MGAT4D: variants seen among roughly 807,000 people sequenced by gnomAD.
MGAT4D encodes the protein alpha-1,3-mannosyl-glycoprotein 4-beta-N-acetylglucosaminyltransferase-like protein MGAT4D.
MGAT4D carries 34 observed loss-of-function variants against 15.9 expected under a neutral mutation model. The ratio of observed to expected loss-of-function variants is 2.14; its 90% confidence interval spans 1.62 to 2.84. The LOEUF is 2.84. Among genes scored for constraint, MGAT4D ranks in the 30% most tolerant of loss-of-function variants. MGAT4D has a pLI of 0.00. For missense variants in MGAT4D, 327 were observed against 140.2 expected, an observed-to-expected ratio of 2.33 and a Z score of -6.73; for synonymous variants, 112 against 48.2, an observed-to-expected ratio of 2.33 and a Z score of -5.49.
intron 7 of MGAT4D, among the ~76,000 whole-genome samples, chr4:140,460,918 G>C (rs1227275101): frequency 6.6e-6 from 1 of 152,180 alleles, no homozygotes; most frequent in Admixed American, 6.5e-5. Flanking sequence ...AAGGTGCCAC[G>C]TTCTATCTCC....
rs138054884 is a variant in MGAT4D at position 140,476,805 on chromosome 4, A to T, written c.392-1859T>A. Among the ~76,000 whole-genome samples the T allele has an allele frequency of 3.9e-5, 6 of 152,262 alleles. No individual in the cohort carries two copies. In the East Asian group the frequency reaches 1.2e-3, roughly 29 times the overall value. Reference sequence around the variant, plus strand: ...ACTAAATATTAGTCATTTTGATCACAAATTGATGCTTAATCCTTTCACCAG... The same window carrying T: ...ACTAAATATTAGTCATTTTGATCACTAATTGATGCTTAATCCTTTCACCAG... On this transcript the variant is annotated intron_variant, in intron 3 of 10. Transcript: ENST00000511113.
At chr4:140,446,547 A>C (rs1270065539) in intron 10 of MGAT4D, among the ~76,000 whole-genome samples, 1 of 151,692 alleles carries the variant, frequency 6.6e-6, no homozygotes, top group Non-Finnish European at 1.5e-5. Context: ...TGTTTATTTG[A>C]ATCTTTTCTC....
chr4:140,446,754 T>G (rs1210969540), intron 10 of MGAT4D, among the ~76,000 whole-genome samples: 1 of 90,378 alleles, frequency 1.1e-5, no homozygotes, highest in Admixed American at 1.2e-4. Flanking sequence ...TTTTTTTTTT[T>G]TTTTTTTTTT....
rs1035468812 is a variant in MGAT4D at position 140,474,867 on chromosome 4, G to A, written c.471C>T (p.Ser157=). ...YLKQTLTSVV[S]RMTLSQEKDS... ...CCTTCTCTTGGGAGAGCGTCATCCT[G>A]GAGACAACAGAGGTCAGTGTCTGTT... The change falls in exon 4 of 11, where the codon TCC becomes TCT. Residue 157 remains serine, a synonymous_variant. Coordinates refer to ENST00000511113, the MANE Select transcript of MGAT4D (RefSeq NM_001277353.2). The A allele has an allele frequency of 7.9e-5, 55 of 698,664 alleles. No individual in the cohort carries two copies. The highest frequency in any genetic ancestry group is 1.3e-4 in the Non-Finnish European group (51 of 383,444). The allele number at this position is 698,664 out of a possible 1,614,324, so 43.3% of individuals were successfully genotyped here. A position where few individuals can be genotyped will look rare whatever the true frequency, so the allele number is the denominator to read the frequency against.
At position 140,449,927 on chromosome 4, in the gene MGAT4D, T is replaced by C. The variant is rs577398793; in HGVS notation, c.1116+1483A>G. 1.8e-5 allele frequency: 4 copies of C among 217,506 alleles called. No individual in the cohort carries two copies. In the South Asian group the frequency reaches 5.5e-4, roughly 30 times the overall value. The allele number at this position is 217,506 out of a possible 1,614,324, so 13.5% of individuals were successfully genotyped here. On this transcript the variant is annotated intron_variant, in intron 10 of 10. Transcript: ENST00000511113. ...AATAACTTAAAATTAAATTAATAAA[T>C]ATCTGATGATTGTCTATATATTTAT... is the stretch of plus-strand genomic sequence containing the variant.
At chr4:140,498,076 G>T in intron 1 of MGAT4D, 53 bp downstream of exon 1, 1 of 690,530 alleles carries the variant, frequency 1.4e-6, no homozygotes, top group Non-Finnish European at 2.6e-6. Context: ...CATTCCTGCA[G>T]CCCCGAAGCC....
chr4:140,491,320 T>C (rs1247953973), intron 1 of MGAT4D, among the ~76,000 whole-genome samples: 3 of 152,134 alleles, frequency 2.0e-5, no homozygotes, highest in African/African-American at 7.2e-5. Context: ...ATGAGGGTGT[T>C]TCCCTTCCAT....
chr4:140,498,256 G>T lies in MGAT4D; in HGVS notation c.-34C>A. On this transcript the variant is annotated 5_prime_UTR_variant, in exon 1 of 11. Transcript: ENST00000511113. ...CCAGGCTGCGGGAGGCCGGCGGGTGGAGGCGGCGGATAATGCCAGGGACGG... is the reference window on the plus strand; with the variant it reads ...CCAGGCTGCGGGAGGCCGGCGGGTGTAGGCGGCGGATAATGCCAGGGACGG... The T allele has an allele frequency of 1.4e-6, 1 of 701,574 alleles. No individual in the cohort carries two copies. The highest frequency in any genetic ancestry group is 1.5e-5 in the South Asian group (1 of 67,468). The allele number at this position is 701,574 out of a possible 1,614,324, so 43.5% of individuals were successfully genotyped here. A position where few individuals can be genotyped will look rare whatever the true frequency, so the allele number is the denominator to read the frequency against.
intron 6 of MGAT4D, among the ~76,000 whole-genome samples, chr4:140,464,473 C>T (rs1021162734): frequency 2.6e-5 from 4 of 152,126 alleles, no homozygotes; most frequent in Non-Finnish European, 4.4e-5. Flanking sequence ...AATTACCTGC[C>T]TACAATGACC....
chr4:140,456,598 T>C lies in MGAT4D; in HGVS notation c.999A>G (p.Gly333=), dbSNP rs1045668977. ...DIFQVKVCDA[G]EDLRNCMKRK... The stretch of plus-strand genomic sequence containing the variant: ...TAAAGTAAATACTCACAAGATCTTC[T>C]CCTGCGTCACACACCTTTACCTGAA... The change falls in exon 9 of 11, where the codon GGA becomes GGG. Residue 333 remains glycine (G), a synonymous_variant. Transcript: ENST00000511113. 3.7e-5 allele frequency: 25 copies of C among 673,774 alleles called. No homozygotes were observed. The highest frequency in any genetic ancestry group is 4.7e-4 in the Middle Eastern group (2 of 4,212). The allele number at this position is 673,774 out of a possible 1,614,324, so 41.7% of individuals were successfully genotyped here.
chr4:140,461,605 A>C (rs1382504432), intron 7 of MGAT4D, among the ~76,000 whole-genome samples: 1 of 152,162 alleles, frequency 6.6e-6, no homozygotes, highest in Non-Finnish European at 1.5e-5. Context: ...GTAAGCCAAG[A>C]AATAAATATA....
In MGAT4D at chr4:140,464,965, AT is replaced by A. The variant is rs1731434647; in HGVS notation, c.616del (p.Ile206TyrfsTer10). ...CATGCTTGAGTATAAAAAGGCAGGT[AT>A]TGAAATGACCTCTAAGGATCCAGAC... Reference protein sequence around the residue: ...VRSGSLEVISIPAFLYSSMLN... With the variant: ...VRSGSLEVISXPAFLYSSMLN... On this transcript the variant is annotated frameshift_variant, in exon 6 of 11. Transcript: ENST00000511113. LOFTEE classifies it high-confidence loss of function. 2.8e-6 allele frequency: 2 copies of A among 702,796 alleles called. No individual in the cohort carries two copies. The highest frequency in any genetic ancestry group is 5.2e-6 in the Non-Finnish European group (2 of 384,918). The allele number at this position is 702,796 out of a possible 1,614,324, so 43.5% of individuals were successfully genotyped here. A position where few individuals can be genotyped will look rare whatever the true frequency, so the allele number is the denominator to read the frequency against.
rs887998044 is a variant in MGAT4D at position 140,459,580 on chromosome 4, G to T, written c.809C>A (p.Thr270Lys). ...IAKEMYFTKI[T>K]DFVGNISSNN... is the part of the protein sequence containing the mutation. ...TGAACTGATATTACCTACAAAATCT[G>T]TTATTTTTGTAAAGTACATCTCTTT... Residue 270 changes from threonine (T) to lysine (K), a missense_variant, in exon 8 of 11, where the codon ACA becomes AAA. Thr to Lys is a moderately conservative substitution (Grantham distance 78). Transcript: ENST00000511113. 38 of 521,576 alleles carry T rather than the reference G, an allele frequency of 7.3e-5. No individual in the cohort carries two copies. The highest frequency in any genetic ancestry group is 1.1e-4 in the Non-Finnish European group (33 of 295,114). The allele number at this position is 521,576 out of a possible 1,614,324, so 32.3% of individuals were successfully genotyped here.
chr4:140,498,028 C>T (rs1733953632), intron 1 of MGAT4D, 101 bp downstream of exon 1: 3 of 561,972 alleles, frequency 5.3e-6, no homozygotes, highest in South Asian at 2.1e-5. Context: ...CGCCAGCTTC[C>T]CGCATCGCCT....
chr4:140,495,615 T>A (rs933292515), intron 1 of MGAT4D, among the ~76,000 whole-genome samples: 1 of 152,250 alleles, frequency 6.6e-6, no homozygotes, highest in Non-Finnish European at 1.5e-5. Flanking sequence ...AAGTATGTTC[T>A]GTCCTCACAG....
At chr4:140,485,098 A>C (rs1733012978) in intron 1 of MGAT4D, among the ~76,000 whole-genome samples, 1 of 152,228 alleles carries the variant, frequency 6.6e-6, no homozygotes, top group Admixed American at 6.5e-5. Context: ...AGACACATGC[A>C]CACGTATGTT....
intron 1 of MGAT4D, among the ~76,000 whole-genome samples, chr4:140,483,270 C>T (rs1732865279): frequency 6.6e-6 from 1 of 152,172 alleles, no homozygotes; most frequent in Non-Finnish European, 1.5e-5. Context: ...TCAAACCACA[C>T]CATTTACAAT....
At chr4:140,483,053 A>C (rs916990959) in intron 1 of MGAT4D, among the ~76,000 whole-genome samples, 3 of 152,182 alleles carry the variant, frequency 2.0e-5, no homozygotes, top group Admixed American at 6.5e-5. Context: ...ATCATGTATA[A>C]TATACTTAAT....
chr4:140,482,453 A>T lies in MGAT4D; in HGVS notation c.127T>A (p.Leu43Met). Reference protein sequence around the residue: ...NQLINCRNHILEFKENMLHLR... With the variant: ...NQLINCRNHIMEFKENMLHLR... ...TGTAGCATATTTTCTTTAAACTCCA[A>T]AATATGGTTTCTACAGTTAATTAAT... Residue 43 changes from leucine (L) to methionine (M), a missense_variant, in exon 2 of 11, where the codon TTG becomes ATG. Leu to Met is a conservative substitution (Grantham distance 15). Transcript: ENST00000511113. 1.5e-6 allele frequency: 1 copy of T among 647,422 alleles called. No individual in the cohort carries two copies. 40.1% of individuals were successfully genotyped at this position (647,422 alleles called of 1,614,324 possible). A position where few individuals can be genotyped will look rare whatever the true frequency, so the allele number is the denominator to read the frequency against.
Sources: allele counts gnomAD v4.1 joint callset (sites outside exome capture counted in the v4.1 genomes callset), GRCh38; gene constraint gnomAD v4.1.1; transcripts MANE v1.5; gene names NCBI Gene and HGNC (gene_info 2026-07-23, HGNC 2026-07-21).